The following CLYBL variants were observed in gnomAD, a reference collection of about 807,000 sequenced individuals.
CLYBL encodes citramalyl-CoA lyase, mitochondrial.
In CLYBL, 31 loss-of-function variants were observed where a neutral mutation model predicts 38.9. The ratio of observed to expected loss-of-function variants is 0.80; its 90% CI spans 0.60 to 1.08. The LOEUF is 1.08. CLYBL is among the 50% of genes least tolerant of loss of function. The pLI is 0.00. For missense variants in CLYBL, 434 were observed against 411.6 expected, an observed-to-expected ratio of 1.05 and a Z score of -0.47; for synonymous variants, 171 against 158.6, an observed-to-expected ratio of 1.08 and a Z score of -0.59.
Position 99,880,012 on chromosome 13 carries a change from T to TTA in CLYBL, c.927+8961_927+8962dup, listed in dbSNP as rs1388281175. 4.7e-5 allele frequency among the ~76,000 whole-genome samples: 7 copies of TTA among 148,698 alleles called. No individual in the cohort carries two copies. The East Asian group carries it at 5.8e-4, about 12-fold the overall frequency. On this transcript the variant is annotated intron_variant, in intron 7 of 8. Transcript: ENST00000339105. ...GTGCTGGTAGCATAACTGCTTCCAT[T>TTA]TATATATATATAAAACATATTCCAT...
chr13:99,656,971 C>A (rs2047339566), intron 1 of CLYBL, among the ~76,000 whole-genome samples: 1 of 152,204 alleles, frequency 6.6e-6, no homozygotes, highest in Non-Finnish European at 1.5e-5. Context: ...ATCATCCGTT[C>A]TGATGTTGCA....
downstream of CLYBL, among the ~76,000 whole-genome samples, chr13:99,900,770 A>G (rs1292488388): frequency 6.6e-6 from 1 of 152,088 alleles, no homozygotes; most frequent in African/African-American, 2.4e-5. Flanking sequence ...CAAGCTCCAA[A>G]TGTGTGTTTT....
chr13:99,901,844 G>A (rs1241047802), downstream of CLYBL, among the ~76,000 whole-genome samples: 1 of 151,976 alleles, frequency 6.6e-6, no homozygotes, highest in Non-Finnish European at 1.5e-5. Context: ...ATTTTTAGTA[G>A]AGACGGGGTT....
At chr13:99,893,864 C>T (rs2052536464), downstream of CLYBL, 1 of 152,508 alleles carries the variant, frequency 6.6e-6, no homozygotes, top group Admixed American at 6.5e-5. Context: ...TCCTAGGTCC[C>T]AACCACATTG....
chr13:99,688,817 G>A (rs891644525), intron 1 of CLYBL, among the ~76,000 whole-genome samples: 1 of 152,178 alleles, frequency 6.6e-6, no homozygotes, highest in Non-Finnish European at 1.5e-5. Context: ...CCTTATTTGT[G>A]AAGTCAGAAA....
At chr13:99,866,190 G>A in intron 5 of CLYBL, 50 bp from the exon 6 acceptor site, 1 of 1,554,196 alleles carries the variant, frequency 6.4e-7, no homozygotes, top group Non-Finnish European at 8.8e-7. Context: ...ATATCTGGGT[G>A]CGGTTTCCAA....
intron 1 of CLYBL, among the ~76,000 whole-genome samples, chr13:99,652,028 G>A (rs143001003): frequency 1.3e-3 from 200 of 152,292 alleles, no homozygotes; most frequent in African/African-American, 4.4e-3. Flanking sequence ...CATTCACACC[G>A]TCGGTGGAAA....
At chr13:99,706,314 T>C (rs1328793377) in intron 1 of CLYBL, among the ~76,000 whole-genome samples, 1 of 152,170 alleles carries the variant, frequency 6.6e-6, no homozygotes, top group Non-Finnish European at 1.5e-5. Flanking sequence ...AAACACTGTA[T>C]AGCCAAAAGA....
At position 99,664,795 on chromosome 13, in the gene CLYBL, A is replaced by C. The variant is rs192137650; in HGVS notation, c.62+58038A>C. On this transcript the variant is annotated intron_variant, in intron 1 of 8. Transcript: ENST00000339105. Reference sequence around the variant, plus strand: ...CACATGATCTCTATAAAATATGACCAAAAAAACCGGGAAAATAAAATCATC... The same window carrying C: ...CACATGATCTCTATAAAATATGACCCAAAAAACCGGGAAAATAAAATCATC... 7.9e-5 allele frequency among the ~76,000 whole-genome samples: 12 copies of C among 152,276 alleles called. No individual in the cohort carries two copies. The East Asian group carries it at 2.3e-3, about 29-fold the overall frequency.
intron 7 of CLYBL, among the ~76,000 whole-genome samples, chr13:99,882,404 C>T (rs551443762): frequency 1.3e-5 from 2 of 152,282 alleles, no homozygotes; most frequent in East Asian, 3.9e-4. Flanking sequence ...GCTATAATCT[C>T]AGCACTTTGG....
intron 1 of CLYBL, among the ~76,000 whole-genome samples, chr13:99,636,808 G>T (rs1451972126): frequency 6.6e-6 from 1 of 152,096 alleles, no homozygotes; most frequent in Non-Finnish European, 1.5e-5. Context: ...TTCTCTCCAT[G>T]CCTTCACTCC....
At chr13:99,630,439 C>T (rs2046926940) in intron 1 of CLYBL, among the ~76,000 whole-genome samples, 1 of 152,158 alleles carries the variant, frequency 6.6e-6, no homozygotes, top group Non-Finnish European at 1.5e-5. Flanking sequence ...CTATTTATAA[C>T]ACAGGCACCA....
At chr13:99,783,619 G>A (rs1176488421) in intron 2 of CLYBL, among the ~76,000 whole-genome samples, 1 of 151,892 alleles carries the variant, frequency 6.6e-6, no homozygotes, top group East Asian at 1.9e-4. Flanking sequence ...ACCACTCCTG[G>A]CTAATTTTTT....
At chr13:99,663,832 G>A (rs2047442750) in intron 1 of CLYBL, among the ~76,000 whole-genome samples, 1 of 152,120 alleles carries the variant, frequency 6.6e-6, no homozygotes, top group Non-Finnish European at 1.5e-5. Context: ...GCTTATTACG[G>A]GCCTGGCTAC....
At chr13:99,839,553 C>T (rs540899474) in intron 2 of CLYBL, among the ~76,000 whole-genome samples, 76 of 152,204 alleles carry the variant, frequency 5.0e-4, no homozygotes, top group African/African-American at 1.7e-3. Flanking sequence ...CCTAGCTATA[C>T]GAATCTGACA....
intron 2 of CLYBL, among the ~76,000 whole-genome samples, chr13:99,817,568 T>C (rs2050479055): frequency 7.1e-6 from 1 of 141,390 alleles, no homozygotes; most frequent in Non-Finnish European, 1.5e-5. Context: ...GGCAGGAGAA[T>C]GGCGTGAACC....
intron 2 of CLYBL, among the ~76,000 whole-genome samples, chr13:99,804,520 CAG>C (rs1431390793): frequency 6.6e-6 from 1 of 151,986 alleles, no homozygotes; most frequent in African/African-American, 2.4e-5. Flanking sequence ...TACATGAAGA[CAG>C]AGTAATGGGA....
intron 1 of CLYBL, among the ~76,000 whole-genome samples, chr13:99,706,830 CA>C (rs1027633463): frequency 3.9e-5 from 6 of 152,074 alleles, no homozygotes; most frequent in African/African-American, 1.2e-4. Context: ...TTTTTAGAGA[CA>C]GGTTCTTGTG....
At chr13:99,688,706 A>G (rs2047855196) in intron 1 of CLYBL, among the ~76,000 whole-genome samples, 1 of 152,004 alleles carries the variant, frequency 6.6e-6, no homozygotes, top group African/African-American at 2.4e-5. Flanking sequence ...TACATTCCTT[A>G]TATCTCTTCC....
Sources: allele counts gnomAD v4.1 joint callset (sites outside exome capture counted in the v4.1 genomes callset), GRCh38; gene constraint gnomAD v4.1.1; transcripts MANE v1.5; gene names NCBI Gene and HGNC (gene_info 2026-07-23, HGNC 2026-07-21).